Variants in LUZP2 observed in about 807,000 individuals in gnomAD.
LUZP2 encodes the protein leucine zipper protein 2.
In LUZP2, 52 loss-of-function variants were observed where a neutral mutation model predicts 51.6. The observed-to-expected ratio is 1.01, with a 90% confidence interval of 0.81 to 1.27. The LOEUF (loss-of-function observed/expected upper bound fraction) is 1.27. LUZP2 is among the 50% of genes most tolerant of loss of function. LUZP2 has a pLI of 0.00. For synonymous variants in LUZP2, 154 were observed against 137.3 expected, an observed-to-expected ratio of 1.12 and a Z score of -0.85; for missense variants, 436 against 395.4, an observed-to-expected ratio of 1.10 and a Z score of -0.87.
intron 1 of LUZP2, among the ~76,000 whole-genome samples, chr11:24,666,786 G>A (rs1043849490): frequency 1.3e-5 from 2 of 152,146 alleles, no homozygotes; most frequent in African/African-American, 4.8e-5. Flanking sequence ...ATGATTTTTA[G>A]TGTTATTACT....
chr11:24,965,842 A>T (rs763865243), intron 7 of LUZP2, among the ~76,000 whole-genome samples: 11 of 151,772 alleles, frequency 7.2e-5, no homozygotes, highest in Non-Finnish European at 1.6e-4. Flanking sequence ...ATTACTATAG[A>T]TAGCACCCAA....
At chr11:24,880,957 G>A (rs1284466255) in intron 5 of LUZP2, among the ~76,000 whole-genome samples, 3 of 152,130 alleles carry the variant, frequency 2.0e-5, no homozygotes, top group Non-Finnish European at 4.4e-5. Context: ...CTCATAGCAT[G>A]GCAATAATTG....
At chr11:24,658,920 A>C (rs2133978101) in intron 1 of LUZP2, among the ~76,000 whole-genome samples, 1 of 152,332 alleles carries the variant, frequency 6.6e-6, no homozygotes, top group South Asian at 2.1e-4. Context: ...GTCAGGAAAC[A>C]ACAGGTGCTG....
intron 1 of LUZP2, among the ~76,000 whole-genome samples, chr11:24,588,756 A>T (rs1303831129): frequency 6.6e-6 from 1 of 152,040 alleles, no homozygotes; most frequent in African/African-American, 2.4e-5. Context: ...TACTTTTCTT[A>T]TTGAAGTTTC....
intron 9 of LUZP2, among the ~76,000 whole-genome samples, chr11:25,035,293 A>T (rs962826779): frequency 6.6e-6 from 1 of 152,112 alleles, no homozygotes; most frequent in African/African-American, 2.4e-5. Flanking sequence ...AATCATAAAA[A>T]AAACTTCCAA....
At chr11:24,633,933 AAC>A (rs956128302) in intron 1 of LUZP2, among the ~76,000 whole-genome samples, 13 of 132,916 alleles carry the variant, frequency 9.8e-5, no homozygotes, top group Admixed American at 5.3e-4. Flanking sequence ...TTTTTAGTCT[AAC>A]ACACGTGTGT....
chr11:25,047,729 C>G (rs1008948726), intron 9 of LUZP2, among the ~76,000 whole-genome samples: 7 of 152,078 alleles, frequency 4.6e-5, no homozygotes, highest in Admixed American at 6.6e-5. Context: ...CTCTCATTTT[C>G]TTCTGTTTCA....
chr11:24,717,409 G>GTTTT (rs869281553), intron 1 of LUZP2, among the ~76,000 whole-genome samples: 1 of 134,652 alleles, frequency 7.4e-6, no homozygotes, highest in Admixed American at 7.6e-5. Flanking sequence ...GAACCCAATA[G>GTTTT]TTTTTTTTTT....
At chr11:24,719,228 A>T (rs1026249799) in intron 1 of LUZP2, among the ~76,000 whole-genome samples, 1 of 152,232 alleles carries the variant, frequency 6.6e-6, no homozygotes, top group Non-Finnish European at 1.5e-5. Context: ...ATAAACATTC[A>T]AATAGTGAGA....
chr11:24,533,165 C>A (rs1037896915), intron 1 of LUZP2, among the ~76,000 whole-genome samples: 9 of 151,242 alleles, frequency 6.0e-5, no homozygotes, highest in African/African-American at 2.2e-4. Context: ...CCATTGGATA[C>A]CCCCTCCCTC....
chr11:25,010,063 C>T (rs536244917), intron 9 of LUZP2, among the ~76,000 whole-genome samples: 48 of 152,106 alleles, frequency 3.2e-4, no homozygotes, highest in Non-Finnish European at 5.4e-4. Flanking sequence ...CTTTGTCAAT[C>T]CCCATGTGGT....
At chr11:24,953,079 A>G (rs1855120846) in intron 7 of LUZP2, among the ~76,000 whole-genome samples, 1 of 151,984 alleles carries the variant, frequency 6.6e-6, no homozygotes, top group African/African-American at 2.4e-5. Flanking sequence ...CTCTACTAAA[A>G]TGCATTAAAA....
intron 5 of LUZP2, among the ~76,000 whole-genome samples, chr11:24,769,947 C>G (rs1860347700): frequency 6.6e-6 from 1 of 152,068 alleles, no homozygotes; most frequent in Non-Finnish European, 1.5e-5. Context: ...CATGCACCAG[C>G]ACCCCCGGCT....
At chr11:24,503,248 T>G (rs1344169528) in intron 1 of LUZP2, among the ~76,000 whole-genome samples, 2 of 152,206 alleles carry the variant, frequency 1.3e-5, no homozygotes, top group African/African-American at 4.8e-5. Context: ...ATATTTCTCT[T>G]TATTTTGCTA....
At chr11:24,592,889 G>A (rs1853308485) in intron 1 of LUZP2, among the ~76,000 whole-genome samples, 1 of 152,188 alleles carries the variant, frequency 6.6e-6, no homozygotes, top group Non-Finnish European at 1.5e-5. Flanking sequence ...TAAGTAGAAT[G>A]CTCTATAACT....
chr11:24,593,597 G>C (rs1853329377), intron 1 of LUZP2, among the ~76,000 whole-genome samples: 1 of 152,198 alleles, frequency 6.6e-6, no homozygotes, highest in Admixed American at 6.5e-5. Flanking sequence ...CACATGTCCT[G>C]GCAACCCTCA....
At chr11:25,063,901 G>A (rs1858923400) in intron 10 of LUZP2, among the ~76,000 whole-genome samples, 1 of 151,734 alleles carries the variant, frequency 6.6e-6, no homozygotes. Flanking sequence ...ATGAAGAATA[G>A]GACAGTCAGA....
chr11:24,605,717 T>G (rs1183180709), intron 1 of LUZP2, among the ~76,000 whole-genome samples: 1 of 151,822 alleles, frequency 6.6e-6, no homozygotes, highest in African/African-American at 2.4e-5. Context: ...TCAAGATAAT[T>G]AAAACATTTG....
At chr11:24,922,740 T>A (rs1248499153) in intron 7 of LUZP2, among the ~76,000 whole-genome samples, 2 of 150,648 alleles carry the variant, frequency 1.3e-5, no homozygotes, top group East Asian at 4.0e-4. Flanking sequence ...GACAATATTG[T>A]TATCTTATGG....
Sources: allele counts gnomAD v4.1 joint callset (sites outside exome capture counted in the v4.1 genomes callset), GRCh38; gene constraint gnomAD v4.1.1; transcripts MANE v1.5; gene names NCBI Gene and HGNC (gene_info 2026-07-23, HGNC 2026-07-21).